The following CBX2 variants were observed in gnomAD, a reference collection of about 807,000 sequenced individuals.
The protein encoded by CBX2 is chromobox protein homolog 2.
In CBX2, 11 loss-of-function variants were observed where a neutral mutation model predicts 21.0. The observed-to-expected ratio is 0.52, with a 90% CI of 0.33 to 0.87. The LOEUF (loss-of-function observed/expected upper bound fraction) is 0.87, where lower values mean the gene tolerates loss of function less well. CBX2 is among the 40% of genes least tolerant of loss of function. The pLI, the probability that CBX2 is intolerant of heterozygous loss-of-function variation, is 0.02. For missense variants in CBX2, 746 were observed against 724.3 expected (o/e 1.03, Z -0.34); for synonymous variants, 364 against 304.6 (o/e 1.19, Z -2.03).
rs1420179379 is a variant in CBX2, at chr17:79,779,551, A to G, written c.182+124A>G. ...GGCTGTGGTCTGAGGTCCCTTAGCA[A>G]GATTGTGTCCAGGGCCATCTCTGTG... On this transcript the variant is annotated intron_variant, in intron 3 of 4. Coordinates refer to ENST00000310942, the MANE Select transcript of CBX2 (RefSeq NM_005189.3). The G allele has an allele frequency of 1.4e-5, 12 of 842,904 alleles. No individual in the cohort carries two copies. In the East Asian group the frequency reaches 1.8e-4, roughly 13 times the overall value. 52.2% of individuals were successfully genotyped at this position (842,904 alleles called of 1,614,324 possible).
At chr17:79,783,448 C>T (rs1289328108) in intron 4 of CBX2, among the ~76,000 whole-genome samples, 9 of 149,654 alleles carry the variant, frequency 6.0e-5, no homozygotes, top group East Asian at 3.9e-4. Context: ...CTCGCTCTGT[C>T]GCCCAGGCTG....
Position 79,784,289 on chromosome 17 carries a change from C to G in CBX2, c.846C>G (p.Asn282Lys), listed in dbSNP as rs782579643. 3 of 1,613,042 alleles carry G rather than the reference C, an allele frequency of 1.9e-6. No homozygotes were observed. Among genetic ancestry groups the G allele is most frequent in the Non-Finnish European group, 2.5e-6 (3 of 1,179,866 alleles). Residue 282 changes from asparagine to lysine, a missense_variant, in exon 5 of 5, where the codon AAC becomes AAG. This residue lies in a region of CBX2 where 701 missense variants were observed against 650.7 expected (regional missense o/e 1.08). Coordinates refer to ENST00000310942, the MANE Select transcript of CBX2 (RefSeq NM_005189.3). This position sits in a 1 kb window ranked among gnomAD's most constrained non-coding sequence, Gnocchi z 5.9. ...SRLALKAQATNKCGLGLDLKV... is the reference protein window; with the variant it reads ...SRLALKAQATKKCGLGLDLKV... Reference sequence around the variant, plus strand: ...TGGCGCTGAAGGCCCAGGCCACCAACAAGTGCGGCCTCGGGCTGGACCTGA... The same window carrying G: ...TGGCGCTGAAGGCCCAGGCCACCAAGAAGTGCGGCCTCGGGCTGGACCTGA...
At chr17:79,782,612 T>TC (rs1907317762) in intron 4 of CBX2, 1 of 561,448 alleles carries the variant, frequency 1.8e-6, no homozygotes. Context: ...TGAACAGGAT[T>TC]CCCTGCTGTA....
At chr17:79,782,041 C>T (rs782063504) in intron 4 of CBX2, 4 of 1,613,982 alleles carry the variant, frequency 2.5e-6, no homozygotes, top group Non-Finnish European at 3.4e-6. Flanking sequence ...TCAGCCTGTC[C>T]TGCACGCCTC....
chr17:79,787,257 C>G lies in CBX2; in HGVS notation c.*2215C>G, dbSNP rs782162900. On this transcript the variant is annotated 3_prime_UTR_variant, in exon 5 of 5. Coordinates refer to ENST00000310942, the MANE Select transcript of CBX2 (RefSeq NM_005189.3). ...AGCTCTCCAAGCCCTTGGGGTGACT[C>G]GGCTTCCAGGAGCTGTTGGAGAAAT... 1 of 152,626 alleles carries G rather than the reference C, an allele frequency of 6.6e-6. No individual in the cohort carries two copies. The highest frequency in any genetic ancestry group is 2.1e-4 in the South Asian group (1 of 4,834). The allele number at this position is 152,626 out of a possible 1,614,324, so 9.5% of individuals were successfully genotyped here.
At chr17:79,780,698 C>G (rs781852369) in intron 3 of CBX2, among the ~76,000 whole-genome samples, 11 of 151,780 alleles carry the variant, frequency 7.2e-5, no homozygotes, top group Admixed American at 1.3e-4. Flanking sequence ...AAAATGTTAG[C>G]TCTCTCTGGG....
Position 79,783,924 on chromosome 17 carries a change from C to T in CBX2, c.481C>T (p.Arg161Trp), listed in dbSNP as rs139509934. 41 of 1,613,890 alleles carry T rather than the reference C, an allele frequency of 2.5e-5. No individual in the cohort carries two copies. The South Asian group carries it at 2.7e-4, about 11-fold the overall frequency. ...CAAACCCGAGCTGAAGGATCCCATC[C>T]GGAAGAAGCGGGGACGAAAGCCCCT... is the stretch of plus-strand genomic sequence containing the variant. ...VAKPELKDPIRKKRGRKPLPP... is the reference protein window; with the variant it reads ...VAKPELKDPIWKKRGRKPLPP... The change falls in exon 5 of 5, where the codon CGG becomes TGG. Residue 161 changes from arginine (R) to tryptophan (W), a missense_variant. Arg to Trp is a moderately radical substitution (Grantham distance 101). This residue lies in a region of CBX2 where 701 missense variants were observed against 650.7 expected (regional missense o/e 1.08). Transcript: ENST00000310942.
intron 2 of CBX2, 47 bp from the exon 3 acceptor site, chr17:79,779,315 T>G: frequency 6.3e-7 from 1 of 1,592,632 alleles, no homozygotes; most frequent in Non-Finnish European, 8.6e-7. Context: ...TGCAAAGCGG[T>G]GATCATCAGC....
At chr17:79,777,856 G>A (rs1555829200), upstream of CBX2, among the ~76,000 whole-genome samples, 1 of 150,940 alleles carries the variant, frequency 6.6e-6, no homozygotes, top group African/African-American at 2.4e-5. Context: ...CGCGGGACTC[G>A]GTGGGCGCCC....
rs781961536 is a variant in CBX2 at position 79,783,840 on chromosome 17, G to A, written c.397G>A (p.Gly133Ser). 214 of 1,611,932 alleles carry A rather than the reference G, an allele frequency of 1.3e-4. No homozygotes were observed. The highest frequency in any genetic ancestry group is 1.8e-4 in the Non-Finnish European group (207 of 1,179,098). The change falls in exon 5 of 5, where the codon GGT becomes AGT. Residue 133 changes from glycine (G) to serine (S), a missense_variant. Coordinates refer to ENST00000310942, the MANE Select transcript of CBX2 (RefSeq NM_005189.3). ...EDDSDLDAKR[G>S]PRGRETHPVP... ...TGACAGTGACTTAGATGCTAAGAGG[G>A]GTCCCCGGGGCCGCGAGACCCACCC...
At position 79,787,156 on chromosome 17, in the gene CBX2, C is replaced by T. The variant is rs1555832239; in HGVS notation, c.*2114C>T. The T allele has an allele frequency of 6.6e-6, 1 of 152,360 alleles. No individual in the cohort carries two copies. The allele number at this position is 152,360 out of a possible 1,614,324, so 9.4% of individuals were successfully genotyped here. ...CGCTGAGCCTCAGGCACCAGCCTCCCTGTGCTCGACAGCAAAGTCTTGACT... is the reference window on the plus strand; with the variant it reads ...CGCTGAGCCTCAGGCACCAGCCTCCTTGTGCTCGACAGCAAAGTCTTGACT... On this transcript the variant is annotated 3_prime_UTR_variant, in exon 5 of 5. Coordinates refer to ENST00000310942, the MANE Select transcript of CBX2 (RefSeq NM_005189.3).
At position 79,778,183 on chromosome 17, in the gene CBX2, T is replaced by TG; in HGVS notation, c.-53_-52insG. 4 of 1,104,428 alleles carry TG rather than the reference T, an allele frequency of 3.6e-6. No individual in the cohort carries two copies. Among genetic ancestry groups the TG allele is most frequent in the South Asian group, 6.7e-5 (2 of 30,010 alleles). The allele number at this position is 1,104,428 out of a possible 1,614,324, so 68.4% of individuals were successfully genotyped here. A position where few individuals can be genotyped will look rare whatever the true frequency, so the allele number is the denominator to read the frequency against. ...GTGCTGCCGGCGGGGCGCGCGGCGGTCCGGGCGGGTGACTGGCGGCGGGCG... is the reference window on the plus strand; with the variant it reads ...GTGCTGCCGGCGGGGCGCGCGGCGGTGCCGGGCGGGTGACTGGCGGCGGGCG... On this transcript the variant is annotated 5_prime_UTR_variant, in exon 1 of 5. Transcript: ENST00000310942. The surrounding 1 kb of genome is among the most constrained non-coding windows in gnomAD (Gnocchi z 4.8).
At position 79,778,312 on chromosome 17, in the gene CBX2, G is replaced by T; in HGVS notation, c.72+5G>T. ...CTGAGCAAGCGGCTCCGCAAGGTGC[G>T]TGCGGCCCGCCGGGCCCCCCGCCCG... On this transcript the variant is annotated splice_donor_5th_base_variant and intron_variant, in intron 1 of 4. Transcript: ENST00000310942. The surrounding 1 kb of genome is among the most constrained non-coding windows in gnomAD (Gnocchi z 4.8). The T allele has an allele frequency of 6.4e-7, 1 of 1,559,988 alleles. No homozygotes were observed.
Position 79,784,750 on chromosome 17 carries a change from C to T in CBX2, c.1307C>T (p.Thr436Ile), listed in dbSNP as rs1480655098. ...SKRDCVKGSATPSGQESRTAP... is the reference protein window; with the variant it reads ...SKRDCVKGSAIPSGQESRTAP... ...AGGGACTGTGTCAAGGGCAGTGCTA[C>T]CCCCAGTGGGCAGGAGAGCCGCACA... The change falls in exon 5 of 5, where the codon ACC becomes ATC. Residue 436 changes from threonine to isoleucine, a missense_variant. Physicochemically the swap from Thr to Ile is moderately conservative, Grantham distance 89. Coordinates refer to ENST00000310942, the MANE Select transcript of CBX2 (RefSeq NM_005189.3). The surrounding 1 kb of genome is among the most constrained non-coding windows in gnomAD (Gnocchi z 5.9). 13 of 1,610,928 alleles carry T rather than the reference C, an allele frequency of 8.1e-6. 1 individual carries two copies. The Admixed American group carries it at 2.0e-4, about 25-fold the overall frequency.
chr17:79,781,686 G>A lies in CBX2; in HGVS notation c.183-10G>A, dbSNP rs1555830255. The A allele has an allele frequency of 1.1e-5, 18 of 1,609,826 alleles. No homozygotes were observed. The highest frequency in any genetic ancestry group is 1.5e-5 in the Non-Finnish European group (18 of 1,176,284). On this transcript the variant is annotated splice_polypyrimidine_tract_variant and intron_variant, in intron 3 of 4. Coordinates refer to ENST00000310942, the MANE Select transcript of CBX2 (RefSeq NM_005189.3). ...GGCTTCTCCCCCATTAACTAGTGGTGTGCCTTCAGGGAACATGAGAAGGAG... is the reference window on the plus strand; with the variant it reads ...GGCTTCTCCCCCATTAACTAGTGGTATGCCTTCAGGGAACATGAGAAGGAG...
intron 3 of CBX2, 186 bp downstream of exon 3, chr17:79,779,613 C>A (rs79637552): frequency 4.8e-6 from 3 of 627,874 alleles, no homozygotes; most frequent in Non-Finnish European, 8.7e-6. Flanking sequence ...CCCTCTCCCA[C>A]CTTCTCCTAG....
Position 79,784,572 on chromosome 17 carries a change from G to T in CBX2, c.1129G>T (p.Ala377Ser). 1 of 1,612,576 alleles carries T rather than the reference G, an allele frequency of 6.2e-7. No homozygotes were observed. The highest frequency in any genetic ancestry group is 8.5e-7 in the Non-Finnish European group (1 of 1,179,904). Residue 377 changes from alanine to serine, a missense_variant, in exon 5 of 5, where the codon GCC becomes TCC. This residue lies in a region of CBX2 where 701 missense variants were observed against 650.7 expected (regional missense o/e 1.08). Coordinates refer to ENST00000310942, the MANE Select transcript of CBX2 (RefSeq NM_005189.3). This position sits in a 1 kb window ranked among gnomAD's most constrained non-coding sequence, Gnocchi z 5.9. Reference sequence around the variant, plus strand: ...GGGTCTCCTTGCCCGCCACGCCACCGCCACCAAGGGTGTCCCGGCCACCAA... The same window carrying T: ...GGGTCTCCTTGCCCGCCACGCCACCTCCACCAAGGGTGTCCCGGCCACCAA... ...GVGLLARHAT[A>S]TKGVPATNPA...
In CBX2 at chr17:79,784,453, C is replaced by T. The variant is rs1211875372; in HGVS notation, c.1010C>T (p.Pro337Leu). ...CACACCCATGGTGCCAGCAGGGTGC[C>T]TGCTGGGTGCCCAGGCCCCCAGCCA... ...PPHTHGASRV[P>L]AGCPGPQPAP... The change falls in exon 5 of 5, where the codon CCT (proline) becomes CTT (leucine). Residue 337 changes from proline to leucine, a missense_variant. By Grantham distance (98) the Pro-to-Leu change is moderately conservative. Around this residue, in one of 2 missense-constraint regions of CBX2, gnomAD observed 701 missense variants for 650.7 expected, o/e 1.08. Coordinates refer to ENST00000310942, the MANE Select transcript of CBX2 (RefSeq NM_005189.3). The surrounding 1 kb of genome is among the most constrained non-coding windows in gnomAD (Gnocchi z 5.9). 2 of 1,612,070 alleles carry T rather than the reference C, an allele frequency of 1.2e-6. No homozygotes were observed. The highest frequency in any genetic ancestry group is 8.5e-7 in the Non-Finnish European group (1 of 1,179,638).
In CBX2 at chr17:79,778,295, G is replaced by A. The variant is rs782449185; in HGVS notation, c.60G>A (p.Lys20=). 2.6e-5 allele frequency: 40 copies of A among 1,554,174 alleles called. 1 individual carries two copies. The highest frequency in any genetic ancestry group is 2.1e-4 in the Middle Eastern group (1 of 4,718). ...TCGCCGCCGAGTGCATCCTGAGCAA[G>A]CGGCTCCGCAAGGTGCGTGCGGCCC... ...QVFAAECILS[K]RLRKGKLEYL... is the part of the protein sequence containing the mutation. Residue 20 remains lysine, a synonymous_variant, in exon 1 of 5, where the codon AAG becomes AAA. Transcript: ENST00000310942. This position sits in a 1 kb window ranked among gnomAD's most constrained non-coding sequence, Gnocchi z 4.8.
Sources: allele counts gnomAD v4.1 joint callset (sites outside exome capture counted in the v4.1 genomes callset), GRCh38; gene constraint gnomAD v4.1.1; regional missense constraint gnomAD v4.1.1; non-coding constraint Gnocchi (gnomAD v3.1); transcripts MANE v1.5; gene names NCBI Gene and HGNC (gene_info 2026-07-23, HGNC 2026-07-21).